ADAMTSL1: variants seen among roughly 807,000 people sequenced by gnomAD.
The protein encoded by ADAMTSL1 is ADAMTS-like protein 1.
ADAMTSL1 carries 126 observed loss-of-function variants against 201.8 expected under a neutral mutation model. The observed-to-expected ratio is 0.62, with a 90% confidence interval of 0.54 to 0.72. ADAMTSL1 has a LOEUF of 0.72. Among genes scored for constraint, ADAMTSL1 ranks in the 30% least tolerant of loss-of-function variants. The pLI is 0.00. For synonymous variants in ADAMTSL1, 1,121 were observed against 903.4 expected (o/e 1.24, Z -4.32); for missense variants, 2,679 against 2,277.8 (o/e 1.18, Z -3.59).
chr9:18,496,648 C>T (rs1822549897), intron 1 of ADAMTSL1, among the ~76,000 whole-genome samples: 2 of 152,200 alleles, frequency 1.3e-5, no homozygotes, highest in Non-Finnish European at 2.9e-5. Context: ...CCATCAAACC[C>T]TAAGCCATAT....
At chr9:18,802,995 G>A (rs1822895163) in intron 20 of ADAMTSL1, among the ~76,000 whole-genome samples, 1 of 152,118 alleles carries the variant, frequency 6.6e-6, no homozygotes, top group Admixed American at 6.5e-5. Flanking sequence ...AGTCATTTAC[G>A]TGTCTTCTTT....
intron 2 of ADAMTSL1, among the ~76,000 whole-genome samples, chr9:18,297,707 T>G (rs1833528492): frequency 6.6e-6 from 1 of 152,234 alleles, no homozygotes; most frequent in South Asian, 2.1e-4. Context: ...GGGTGAGTAG[T>G]GTCCCTTGGG....
rs148642207 is a variant in ADAMTSL1, at chr9:18,193,434, G to A, written c.207+29453G>A. On this transcript the variant is annotated intron_variant, in intron 2 of 29. Transcript: ENST00000680146. Reference sequence around the variant, plus strand: ...GATCCATGGTGCCTCTGCTAGCAATGGAGCTGTTCAGAAAAGCTCCTTTGC... The same window carrying A: ...GATCCATGGTGCCTCTGCTAGCAATAGAGCTGTTCAGAAAAGCTCCTTTGC... 2.1e-3 allele frequency among the ~76,000 whole-genome samples: 322 copies of A among 152,114 alleles called. 5 individuals carry two copies. The highest frequency in any genetic ancestry group is 9.4e-4 in the Non-Finnish European group (64 of 67,996).
chr9:18,700,554 T>G (rs76699490), intron 13 of ADAMTSL1, among the ~76,000 whole-genome samples: 3,394 of 152,274 alleles, frequency 0.022, 41 homozygotes, highest in Middle Eastern at 0.051. Context: ...AGGTTTTTAC[T>G]CCATTAATGT....
At chr9:18,085,714 T>A (rs543968801) in intron 1 of ADAMTSL1, among the ~76,000 whole-genome samples, 3 of 151,280 alleles carry the variant, frequency 2.0e-5, no homozygotes, top group Admixed American at 2.0e-4. Context: ...ATATACTGTG[T>A]GTGTATATAT....
intron 4 of ADAMTSL1, among the ~76,000 whole-genome samples, chr9:18,612,809 T>A (rs1825465299): frequency 6.6e-6 from 1 of 152,112 alleles, no homozygotes; most frequent in Non-Finnish European, 1.5e-5. Context: ...ACATAGGAAC[T>A]GGCAAAGATT....
At chr9:18,261,012 CTTTT>C (rs3085417) in intron 2 of ADAMTSL1, among the ~76,000 whole-genome samples, 4 of 104,224 alleles carry the variant, frequency 3.8e-5, no homozygotes, top group Admixed American at 1.2e-4. Context: ...TTTCCTTTTT[CTTTT>C]TTTTTTTTTT....
intron 2 of ADAMTSL1, among the ~76,000 whole-genome samples, chr9:18,318,293 C>T (rs553274810): frequency 2.6e-4 from 39 of 152,212 alleles, no homozygotes; most frequent in Admixed American, 8.5e-4. Flanking sequence ...GCTTTATGGA[C>T]GGGTACTTCT....
chr9:18,178,427 C>A (rs1259560827), intron 2 of ADAMTSL1, among the ~76,000 whole-genome samples: 3 of 152,190 alleles, frequency 2.0e-5, no homozygotes, highest in East Asian at 3.9e-4. Flanking sequence ...GATCAAACTG[C>A]AAGGCAGCAG....
intron 23 of ADAMTSL1, among the ~76,000 whole-genome samples, chr9:18,867,224 T>A (rs978419863): frequency 3.3e-5 from 5 of 152,196 alleles, no homozygotes; most frequent in African/African-American, 1.2e-4. Context: ...ATGAAAGTAA[T>A]CTCTGAATGC....
chr9:18,287,572 T>C (rs1021710392), intron 2 of ADAMTSL1, among the ~76,000 whole-genome samples: 2 of 140,242 alleles, frequency 1.4e-5, no homozygotes, highest in African/African-American at 5.4e-5. Flanking sequence ...ATTACATATA[T>C]GTAAATATAT....
intron 2 of ADAMTSL1, among the ~76,000 whole-genome samples, chr9:18,284,387 T>G (rs1832917551): frequency 6.6e-6 from 1 of 152,214 alleles, no homozygotes; most frequent in Non-Finnish European, 1.5e-5. Context: ...AGCAGTTAAA[T>G]TTTTTCTACC....
rs1336681716 is a variant in ADAMTSL1, at chr9:18,572,764, A to AT, written c.238-1261dup. Among the ~76,000 whole-genome samples the AT allele has an allele frequency of 2.6e-5, 4 of 152,178 alleles. No individual in the cohort carries two copies. In the East Asian group the frequency reaches 5.8e-4, roughly 22 times the overall value. On this transcript the variant is annotated intron_variant, in intron 3 of 28. Transcript: ENST00000380548. ...AGAATGCTTATTTAAAGGTAAAGAGATTTTTCAGAGAAAGAAACCTTATAT... is the reference window on the plus strand; with the variant it reads ...AGAATGCTTATTTAAAGGTAAAGAGATTTTTTCAGAGAAAGAAACCTTATAT...
chr9:18,057,963 GA>G (rs1336024841), intron 1 of ADAMTSL1, among the ~76,000 whole-genome samples: 5 of 152,182 alleles, frequency 3.3e-5, no homozygotes, highest in African/African-American at 1.2e-4. Context: ...AGCCATCTGG[GA>G]GGTTATCATT....
intron 2 of ADAMTSL1, among the ~76,000 whole-genome samples, chr9:18,321,072 T>A (rs759746822): frequency 6.6e-6 from 1 of 152,156 alleles, no homozygotes; most frequent in Non-Finnish European, 1.5e-5. Flanking sequence ...TGAAACACAC[T>A]TTAAACATAA....
intron 13 of ADAMTSL1, among the ~76,000 whole-genome samples, chr9:18,704,912 G>C (rs974886564): frequency 2.0e-5 from 3 of 152,138 alleles, no homozygotes; most frequent in African/African-American, 7.2e-5. Flanking sequence ...GGTTATATGG[G>C]GACCTTTGTT....
At chr9:18,146,398 A>G (rs954382280) in intron 1 of ADAMTSL1, among the ~76,000 whole-genome samples, 5 of 152,214 alleles carry the variant, frequency 3.3e-5, no homozygotes, top group Non-Finnish European at 5.9e-5. Flanking sequence ...AAGAGGTATG[A>G]GCTATCAAGC....
chr9:18,883,777 A>G (rs1402018046), intron 23 of ADAMTSL1, among the ~76,000 whole-genome samples: 1 of 152,224 alleles, frequency 6.6e-6, no homozygotes, highest in Non-Finnish European at 1.5e-5. Context: ...ATAATATTCC[A>G]TCATACATAT....
chr9:18,834,077 T>C (rs946537345), intron 23 of ADAMTSL1, among the ~76,000 whole-genome samples: 2 of 152,208 alleles, frequency 1.3e-5, no homozygotes, highest in African/African-American at 4.8e-5. Context: ...ACCATGTTTT[T>C]TGGTGACCAT....
Sources: gnomAD v4.1 joint callset for allele counts (sites outside exome capture counted in the v4.1 genomes callset) on GRCh38, gnomAD v4.1.1 for gene constraint, MANE v1.5 for transcripts, NCBI Gene and HGNC (gene_info 2026-07-23, HGNC 2026-07-21) for gene names.